NCAM2: variants seen among roughly 807,000 people sequenced by gnomAD.
NCAM2 encodes the protein neural cell adhesion molecule 2.
A neutral mutation model predicts 98.1 loss-of-function variants in NCAM2; 30 were observed. The observed-to-expected ratio is 0.31, with a 90% CI of 0.23 to 0.41. The LOEUF (loss-of-function observed/expected upper bound fraction) is 0.41, where lower values mean the gene tolerates loss of function less well. Ranked by LOEUF, NCAM2 falls within the 10% of genes least tolerant of loss-of-function variation. The probability of loss-of-function intolerance (pLI) is 1.00; values close to 1 mark genes in which losing one functional copy is unlikely to be tolerated. For synonymous variants in NCAM2, 368 were observed against 342.4 expected, an observed-to-expected ratio of 1.07 and a Z score of -0.83; for missense variants, 867 against 1,005.8, an observed-to-expected ratio of 0.86 and a Z score of 1.87.
At chr21:21,170,640 A>G (rs1334005188) in intron 1 of NCAM2, among the ~76,000 whole-genome samples, 1 of 152,128 alleles carries the variant, frequency 6.6e-6, no homozygotes, top group Non-Finnish European at 1.5e-5. Flanking sequence ...TTCAGAGGCT[A>G]TTTAGGGCAG....
At chr21:21,060,850 T>A (rs951966959) in intron 1 of NCAM2, among the ~76,000 whole-genome samples, 6 of 152,104 alleles carry the variant, frequency 3.9e-5, no homozygotes, top group African/African-American at 1.4e-4. Flanking sequence ...TGATGGTGAA[T>A]GTCCTTGAAT....
At chr21:21,383,983 T>C (rs1393611924) in intron 9 of NCAM2, among the ~76,000 whole-genome samples, 1 of 152,074 alleles carries the variant, frequency 6.6e-6, no homozygotes, top group Non-Finnish European at 1.5e-5. Flanking sequence ...TTTTGTTTAA[T>C]ATTTTCTTCA....
chr21:21,542,462 G>C lies in NCAM2; in HGVS notation c.*4505G>C, dbSNP rs1366496304. ...TAAATTTTCATTTTATACAATTTTT[G>C]AGATTCTGGCCACACAACATTCAGA... On this transcript the variant is annotated 3_prime_UTR_variant, in exon 18 of 18. Coordinates refer to ENST00000400546, the MANE Select transcript of NCAM2 (RefSeq NM_004540.5). 6.6e-6 allele frequency: 1 copy of C among 151,458 alleles called. No individual in the cohort carries two copies. Among genetic ancestry groups the C allele is most frequent in the Admixed American group, 6.6e-5 (1 of 15,148 alleles). 9.4% of individuals were successfully genotyped at this position (151,458 alleles called of 1,614,324 possible).
Position 21,029,281 on chromosome 21 carries a change from A to T in NCAM2, c.55+30663A>T, listed in dbSNP as rs192753945. Among the ~76,000 whole-genome samples the T allele has an allele frequency of 1.3e-4, 20 of 152,332 alleles. No individual in the cohort carries two copies. In the South Asian group the frequency reaches 2.7e-3, roughly 20 times the overall value. On this transcript the variant is annotated intron_variant, in intron 1 of 17. Coordinates refer to ENST00000400546, the MANE Select transcript of NCAM2 (RefSeq NM_004540.5). Reference sequence around the variant, plus strand: ...AAATCTGTGACAGTGGTCAAGGTGTACTCTGACTTAATCACAAGCATTTAG... The same window carrying T: ...AAATCTGTGACAGTGGTCAAGGTGTTCTCTGACTTAATCACAAGCATTTAG...
intron 1 of NCAM2, among the ~76,000 whole-genome samples, chr21:21,068,632 G>A (rs1317215556): frequency 6.6e-6 from 1 of 151,872 alleles, no homozygotes; most frequent in Non-Finnish European, 1.5e-5. Context: ...GCTAATTTTT[G>A]TATTTTTAGT....
intron 5 of NCAM2, among the ~76,000 whole-genome samples, chr21:21,321,709 G>A (rs143864130): frequency 7.6e-4 from 115 of 152,104 alleles, no homozygotes; most frequent in African/African-American, 2.7e-3. Context: ...AGTTCAGATG[G>A]ATATAGGTGT....
At chr21:21,006,447 T>C (rs1253902093) in intron 1 of NCAM2, among the ~76,000 whole-genome samples, 1 of 152,122 alleles carries the variant, frequency 6.6e-6, no homozygotes, top group Non-Finnish European at 1.5e-5. Flanking sequence ...AGGCAGAGGC[T>C]GCACCAAGCA....
intron 11 of NCAM2, among the ~76,000 whole-genome samples, chr21:21,420,308 C>T (rs1009858363): frequency 2.0e-5 from 3 of 151,830 alleles, no homozygotes; most frequent in African/African-American, 7.2e-5. Context: ...ATAAAAAATT[C>T]ATACAAACCA....
chr21:21,209,151 ATAGTCCC>A (rs2069551037), intron 1 of NCAM2, among the ~76,000 whole-genome samples: 1 of 150,840 alleles, frequency 6.6e-6, no homozygotes, highest in Non-Finnish European at 1.5e-5. Flanking sequence ...TCAAATGGTA[ATAGTCCC>A]TAGGCCAGGG....
chr21:21,053,857 T>A (rs976593516), intron 1 of NCAM2, among the ~76,000 whole-genome samples: 3 of 151,746 alleles, frequency 2.0e-5, no homozygotes, highest in African/African-American at 7.2e-5. Flanking sequence ...TACATTCATA[T>A]ATGGTATTTT....
At chr21:21,519,490 G>T (rs1471695329) in intron 16 of NCAM2, among the ~76,000 whole-genome samples, 2 of 151,918 alleles carry the variant, frequency 1.3e-5, no homozygotes, top group Non-Finnish European at 2.9e-5. Context: ...AAATCAAAAT[G>T]TACCTTCATG....
intron 16 of NCAM2, among the ~76,000 whole-genome samples, chr21:21,509,626 CTG>C (rs1988234935): frequency 6.6e-6 from 1 of 152,068 alleles, no homozygotes; most frequent in East Asian, 1.9e-4. Context: ...TTGGAGCTCT[CTG>C]TGTAGTTCTA....
chr21:21,209,701 G>C (rs536246133), intron 1 of NCAM2, among the ~76,000 whole-genome samples: 1 of 150,396 alleles, frequency 6.6e-6, no homozygotes, highest in Non-Finnish European at 1.5e-5. Context: ...CTGATTGTCT[G>C]CTCTGTGTTA....
rs1425438608 is a variant in NCAM2 at position 21,419,356 on chromosome 21, TTC to T, written c.1480+788_1480+789del. On this transcript the variant is annotated intron_variant, in intron 11 of 17. Coordinates refer to ENST00000400546, the MANE Select transcript of NCAM2 (RefSeq NM_004540.5). ...GTTAGGAACGGTCATGGTTTTTTTTTTCGATTTTTTTTTATTATTATACTTTA... is the reference window on the plus strand; with the variant it reads ...GTTAGGAACGGTCATGGTTTTTTTTTGATTTTTTTTTATTATTATACTTTA... 1.3e-3 allele frequency among the ~76,000 whole-genome samples: 191 copies of T among 150,620 alleles called. 3 individuals carry two copies. The highest frequency in any genetic ancestry group is 6.1e-4 in the East Asian group (3 of 4,916).
At chr21:21,205,199 A>G (rs963134099) in intron 1 of NCAM2, among the ~76,000 whole-genome samples, 4 of 152,208 alleles carry the variant, frequency 2.6e-5, no homozygotes, top group African/African-American at 9.6e-5. Context: ...ATATATTTTA[A>G]TACACAAACT....
At chr21:21,034,739 T>C (rs952223813) in intron 1 of NCAM2, among the ~76,000 whole-genome samples, 1 of 152,196 alleles carries the variant, frequency 6.6e-6, no homozygotes, top group Non-Finnish European at 1.5e-5. Flanking sequence ...CTTAGATTTC[T>C]TCTGAAATGT....
At chr21:21,320,423 C>G (rs949189908) in intron 5 of NCAM2, among the ~76,000 whole-genome samples, 1 of 151,770 alleles carries the variant, frequency 6.6e-6, no homozygotes, top group Non-Finnish European at 1.5e-5. Context: ...ATTTTGAGTT[C>G]CAGAAAAGTA....
chr21:21,092,282 A>G (rs1457598153), intron 1 of NCAM2, among the ~76,000 whole-genome samples: 5 of 152,094 alleles, frequency 3.3e-5, no homozygotes, highest in Admixed American at 2.6e-4. Context: ...CTGAAATATC[A>G]TTAATCTACT....
intron 15 of NCAM2, among the ~76,000 whole-genome samples, chr21:21,493,030 T>C (rs1453011041): frequency 6.6e-6 from 1 of 151,910 alleles, no homozygotes; most frequent in Non-Finnish European, 1.5e-5. Flanking sequence ...TATTTCTTAG[T>C]GCATGTTGGC....
Sources: gnomAD v4.1 joint callset for allele counts (sites outside exome capture counted in the v4.1 genomes callset) on GRCh38, gnomAD v4.1.1 for gene constraint, MANE v1.5 for transcripts, NCBI Gene and HGNC (gene_info 2026-07-23, HGNC 2026-07-21) for gene names.